Variants in PLD5 observed in about 807,000 individuals in gnomAD.
The protein encoded by PLD5 is inactive phospholipase D5.
A neutral mutation model predicts 61.1 loss-of-function variants in PLD5; 36 were observed. That is an observed-to-expected ratio of 0.59 (90% CI 0.45 to 0.78). The LOEUF is 0.78. Ranked by LOEUF, PLD5 falls within the 30% of genes least tolerant of loss-of-function variation. The pLI is 0.00. For synonymous variants in PLD5, 243 were observed against 242.8 expected (o/e 1.00, Z -0.01); for missense variants, 515 against 644.4 (o/e 0.80, Z 2.17).
chr1:242,345,340 C>T (rs1203243315), intron 2 of PLD5, among the ~76,000 whole-genome samples: 3 of 152,080 alleles, frequency 2.0e-5, no homozygotes, highest in African/African-American at 7.2e-5. Flanking sequence ...ATTTCAAAGT[C>T]CGTGGTTGTT....
chr1:242,512,369 A>G (rs894679847), intron 1 of PLD5, among the ~76,000 whole-genome samples: 22 of 150,684 alleles, frequency 1.5e-4, no homozygotes, highest in South Asian at 4.2e-4. Flanking sequence ...GCAGTGAGCC[A>G]AGATCGTGCC....
chr1:242,176,521 T>C (rs316875), intron 5 of PLD5, among the ~76,000 whole-genome samples: 91,611 of 151,960 alleles, frequency 0.6, 29,202 homozygotes, highest in East Asian at 0.84. Flanking sequence ...AGGACATAGG[T>C]ATGGGCAAAG....
In PLD5 at chr1:242,114,111, T is replaced by G. The variant is rs1012305842; in HGVS notation, c.934-85A>C. On this transcript the variant is annotated intron_variant, in intron 6 of 9. Transcript: ENST00000536534. Reference sequence around the variant, plus strand: ...TTATTTCCTTTGTTTCCACGGACCTTGGCTTGTAACTATATTTTTGCAAAC... The same window carrying G: ...TTATTTCCTTTGTTTCCACGGACCTGGGCTTGTAACTATATTTTTGCAAAC... The G allele has an allele frequency of 8.2e-6, 12 of 1,468,318 alleles. No individual in the cohort carries two copies. In the East Asian group the frequency reaches 2.5e-4, roughly 31 times the overall value. The allele number at this position is 1,468,318 out of a possible 1,614,324, so 91.0% of individuals were successfully genotyped here. A position where few individuals can be genotyped will look rare whatever the true frequency, so the allele number is the denominator to read the frequency against.
intron 5 of PLD5, among the ~76,000 whole-genome samples, chr1:242,219,270 C>T (rs1670413621): frequency 6.6e-6 from 1 of 151,992 alleles, no homozygotes; most frequent in Non-Finnish European, 1.5e-5. Context: ...TAGCGTGATC[C>T]CAAATTTTGA....
chr1:242,388,676 C>T (rs1269234580), intron 1 of PLD5, among the ~76,000 whole-genome samples: 3 of 151,996 alleles, frequency 2.0e-5, no homozygotes, highest in Non-Finnish European at 4.4e-5. Context: ...CTGACTGAGA[C>T]GGTAAGGAGG....
Position 242,086,114 on chromosome 1 carries a change from A to T in PLD5, c.*3740T>A, listed in dbSNP as rs1428658087. 1.3e-5 allele frequency: 2 copies of T among 152,188 alleles called. No individual in the cohort carries two copies. The highest frequency in any genetic ancestry group is 2.4e-5 in the African/African-American group (1 of 41,438). The allele number at this position is 152,188 out of a possible 1,614,324, so 9.4% of individuals were successfully genotyped here. A position where few individuals can be genotyped will look rare whatever the true frequency, so the allele number is the denominator to read the frequency against. On this transcript the variant is annotated 3_prime_UTR_variant, in exon 10 of 10. Transcript: ENST00000536534. ...AAACCATTAACTGCATTTCAAAAAA[A>T]ATCCCCCACATTTTTCAAAGGGTGA...
At chr1:242,394,997 G>GA (rs1216366344) in intron 1 of PLD5, among the ~76,000 whole-genome samples, 22 of 57,834 alleles carry the variant, frequency 3.8e-4, no homozygotes, top group African/African-American at 1.5e-3. Flanking sequence ...GAATATATAT[G>GA]TATATATGAA....
chr1:242,346,890 A>G (rs533092022), intron 2 of PLD5, among the ~76,000 whole-genome samples: 1 of 152,316 alleles, frequency 6.6e-6, no homozygotes, highest in African/African-American at 2.4e-5. Context: ...CCCACTTATA[A>G]GTCAGAACAT....
Position 242,428,168 on chromosome 1 carries a change from C to A in PLD5, c.190-79926G>T, listed in dbSNP as rs1665533629. Among the ~76,000 whole-genome samples, 4 of 152,276 alleles carry A rather than the reference C, an allele frequency of 2.6e-5. No homozygotes were observed. In the South Asian group the frequency reaches 8.3e-4, roughly 32 times the overall value. ...AAAAGTAGGTATGCTGAAACCTCCT[C>A]CAAGAAACAACTATTTTAGACTCTT... On this transcript the variant is annotated intron_variant, in intron 1 of 9. Transcript: ENST00000536534.
At chr1:242,238,632 A>G (rs116179222) in intron 4 of PLD5, among the ~76,000 whole-genome samples, 96 of 152,360 alleles carry the variant, frequency 6.3e-4, no homozygotes, top group Non-Finnish European at 1.2e-3. Flanking sequence ...TTTTGTGTGT[A>G]AGAAACTAAC....
chr1:242,442,664 T>C (rs1666330773), intron 1 of PLD5, among the ~76,000 whole-genome samples: 1 of 152,212 alleles, frequency 6.6e-6, no homozygotes, highest in Admixed American at 6.5e-5. Context: ...TTTCAGTTTT[T>C]ATGTTATCTT....
chr1:242,493,449 G>T (rs1362246620), intron 1 of PLD5, among the ~76,000 whole-genome samples: 1 of 152,148 alleles, frequency 6.6e-6, no homozygotes, highest in African/African-American at 2.4e-5. Context: ...CCATCCAAAG[G>T]GTCAGAGGGA....
chr1:242,383,736 G>A (rs992466445), intron 1 of PLD5, among the ~76,000 whole-genome samples: 2 of 152,072 alleles, frequency 1.3e-5, no homozygotes, highest in African/African-American at 4.8e-5. Context: ...ATTTGAAGAC[G>A]AGGCTGCATT....
At position 242,394,122 on chromosome 1, in the gene PLD5, A is replaced by G. The variant is rs192427467; in HGVS notation, c.190-45880T>C. On this transcript the variant is annotated intron_variant, in intron 1 of 9. Transcript: ENST00000536534. The stretch of plus-strand genomic sequence containing the variant: ...TATGTGTATATATATGAGTATATAT[A>G]TGTGTATATATATGAGTATATATAT... 1.2e-3 allele frequency among the ~76,000 whole-genome samples: 168 copies of G among 140,086 alleles called. 25 individuals carry two copies. The highest frequency in any genetic ancestry group is 7.4e-3 in the Middle Eastern group (2 of 272). 91.9% of individuals were successfully genotyped at this position (140,086 alleles called of 152,430 possible).
chr1:242,242,226 G>A (rs1324289383), intron 4 of PLD5, among the ~76,000 whole-genome samples: 3 of 151,982 alleles, frequency 2.0e-5, no homozygotes, highest in African/African-American at 7.2e-5. Context: ...CGAGGTCCTA[G>A]AGCTAGAATT....
chr1:242,264,572 T>C lies in PLD5; in HGVS notation c.607+765A>G, dbSNP rs1334201789. Among the ~76,000 whole-genome samples, 21 of 152,254 alleles carry C rather than the reference T, an allele frequency of 1.4e-4. No homozygotes were observed. In the South Asian group the frequency reaches 3.1e-3, roughly 23 times the overall value. On this transcript the variant is annotated intron_variant, in intron 4 of 9. Transcript: ENST00000536534. ...ACAGTATGTTTAAACAGCACAAACA[T>C]GAGCTGTAACGCCATCAGGTGGAAC...
intron 1 of PLD5, among the ~76,000 whole-genome samples, chr1:242,470,375 AAAG>A (rs1283763143): frequency 1.4e-4 from 10 of 73,268 alleles, no homozygotes; most frequent in African/African-American, 5.4e-4. Context: ...AGAAAGAAAG[AAAG>A]AAAAAAAAGA....
intron 2 of PLD5, among the ~76,000 whole-genome samples, chr1:242,305,385 A>G (rs1260832251): frequency 3.3e-5 from 5 of 152,128 alleles, no homozygotes; most frequent in African/African-American, 7.2e-5. Flanking sequence ...TTCTATTTAA[A>G]TATTTCCTGT....
At chr1:242,459,777 T>C (rs1366288074) in intron 1 of PLD5, among the ~76,000 whole-genome samples, 2 of 152,174 alleles carry the variant, frequency 1.3e-5, no homozygotes, top group East Asian at 3.9e-4. Context: ...CCAAGATTCC[T>C]ATCCCAGAAA....
Sources: allele counts gnomAD v4.1 joint callset (sites outside exome capture counted in the v4.1 genomes callset), GRCh38; gene constraint gnomAD v4.1.1; transcripts MANE v1.5; gene names NCBI Gene and HGNC (gene_info 2026-07-23, HGNC 2026-07-21).